Variants in TRPC7 observed in about 807,000 individuals in gnomAD.
TRPC7 encodes the protein short transient receptor potential channel 7.
In TRPC7, 42 loss-of-function variants were observed where a neutral mutation model predicts 90.1. The observed-to-expected ratio is 0.47, with a 90% confidence interval of 0.36 to 0.60. The LOEUF (loss-of-function observed/expected upper bound fraction) is 0.60. Ranked by LOEUF, TRPC7 falls within the 20% of genes least tolerant of loss-of-function variation. The pLI, the probability that TRPC7 is intolerant of heterozygous loss-of-function variation, is 0.00. For missense variants in TRPC7, 955 were observed against 1,112.3 expected (o/e 0.86, Z 2.01); for synonymous variants, 451 against 436.3 (o/e 1.03, Z -0.42).
intron 3 of TRPC7, among the ~76,000 whole-genome samples, chr5:136,289,683 G>GGCCT (rs1225995947): frequency 6.6e-6 from 1 of 152,242 alleles, no homozygotes; most frequent in African/African-American, 2.4e-5. Flanking sequence ...AGCTCAAGGA[G>GGCCT]GCCTGCCTGC....
intron 5 of TRPC7, among the ~76,000 whole-genome samples, chr5:136,262,505 G>C (rs1756891708): frequency 6.6e-6 from 1 of 152,182 alleles, no homozygotes; most frequent in Admixed American, 6.5e-5. Flanking sequence ...AGGAGGAGGG[G>C]AAGCGAGTCT....
intron 3 of TRPC7, among the ~76,000 whole-genome samples, chr5:136,282,571 G>GTT (rs1471264114): frequency 6.6e-6 from 1 of 151,834 alleles, no homozygotes; most frequent in Non-Finnish European, 1.5e-5. Context: ...TTTGTATATT[G>GTT]TTTTATACTC....
At chr5:136,334,859 T>C (rs568564942) in intron 2 of TRPC7, among the ~76,000 whole-genome samples, 1 of 152,250 alleles carries the variant, frequency 6.6e-6, no homozygotes, top group East Asian at 1.9e-4. Context: ...GATCTAGAAG[T>C]GGTAAGAGGG....
Position 136,357,374 on chromosome 5 carries a change from C to T in TRPC7, c.14G>A (p.Ser5Asn). Residue 5 changes from serine to asparagine, a missense_variant, in exon 2 of 12, where the codon AGC becomes AAC. This residue lies in a region of TRPC7 where 161 missense variants were observed against 145.7 expected (regional missense o/e 1.10). Transcript: ENST00000513104. MLRN[S>N]TFKNMQRRHT... The stretch of plus-strand genomic sequence containing the variant: ...CCGGCGCTGCATGTTTTTGAAGGTG[C>T]TGTTCCTCAACCTATGGGACAAGGC... 2.5e-6 allele frequency: 4 copies of T among 1,597,384 alleles called. No individual in the cohort carries two copies. The highest frequency in any genetic ancestry group is 3.4e-6 in the Non-Finnish European group (4 of 1,178,132).
intron 10 of TRPC7, among the ~76,000 whole-genome samples, chr5:136,221,075 T>A (rs551305261): frequency 4.0e-5 from 6 of 151,258 alleles, no homozygotes; most frequent in African/African-American, 1.5e-4. Context: ...CTCCCTTCTT[T>A]CACTATGTGG....
intron 2 of TRPC7, among the ~76,000 whole-genome samples, chr5:136,353,667 A>ATT (rs1760270503): frequency 6.6e-6 from 1 of 152,252 alleles, no homozygotes; most frequent in Non-Finnish European, 1.5e-5. Context: ...CTAAAGGAAC[A>ATT]GTTATGTTAA....
At chr5:136,261,658 G>T (rs1756861180) in intron 5 of TRPC7, among the ~76,000 whole-genome samples, 1 of 152,190 alleles carries the variant, frequency 6.6e-6, no homozygotes, top group Admixed American at 6.5e-5. Flanking sequence ...TCTTACTTTA[G>T]CCTTCTTTGC....
intron 5 of TRPC7, among the ~76,000 whole-genome samples, chr5:136,258,669 C>T (rs1188219982): frequency 6.6e-6 from 1 of 152,198 alleles, no homozygotes; most frequent in Non-Finnish European, 1.5e-5. Flanking sequence ...GTCCTGCAGG[C>T]TGTGGAGATG....
At chr5:136,349,572 G>A (rs185493620) in intron 2 of TRPC7, among the ~76,000 whole-genome samples, 43 of 151,924 alleles carry the variant, frequency 2.8e-4, no homozygotes, top group Non-Finnish European at 5.2e-4. Flanking sequence ...CTGGGAGGTC[G>A]TTATTCATTA....
intron 2 of TRPC7, among the ~76,000 whole-genome samples, chr5:136,339,963 A>G (rs1430443119): frequency 2.4e-5 from 3 of 127,164 alleles, no homozygotes. Flanking sequence ...ACTCAGGTGC[A>G]TTAAAAAAAT....
chr5:136,266,133 A>G, intron 5 of TRPC7, 87 bp downstream of exon 5: 3 of 1,217,196 alleles, frequency 2.5e-6, no homozygotes, highest in Non-Finnish European at 3.6e-6. Flanking sequence ...TACACTGAAG[A>G]GGAGAGGGAG....
At chr5:136,290,079 G>T (rs961432797) in intron 3 of TRPC7, among the ~76,000 whole-genome samples, 2 of 152,204 alleles carry the variant, frequency 1.3e-5, no homozygotes, top group Non-Finnish European at 2.9e-5. Context: ...GCAGCTGAGG[G>T]TCCTGACTGT....
intron 3 of TRPC7, among the ~76,000 whole-genome samples, chr5:136,278,613 A>G (rs1757445941): frequency 6.6e-6 from 1 of 152,246 alleles, no homozygotes; most frequent in Admixed American, 6.5e-5. Context: ...CTAGGGGTTT[A>G]AAGAGATGGA....
At position 136,274,682 on chromosome 5, in the gene TRPC7, C is replaced by T. The variant is rs762640989; in HGVS notation, c.1119G>A (p.Pro373=). Residue 373 remains proline, a synonymous_variant, in exon 4 of 12, where the codon CCG becomes CCA. Coordinates refer to ENST00000513104, the MANE Select transcript of TRPC7 (RefSeq NM_020389.3). ...CTTAAGCAGTCTGTACCTTGCTGCA[C>T]GGAGCAATCCAATAGGCTATGGCGA... ...PFLAIAYWIA[P]CSKLGRTLRS... 8.7e-6 allele frequency: 14 copies of T among 1,613,148 alleles called. No homozygotes were observed. The highest frequency in any genetic ancestry group is 1.7e-5 in the Admixed American group (1 of 59,872).
chr5:136,276,609 G>C (rs1475689424), intron 3 of TRPC7, among the ~76,000 whole-genome samples: 3 of 152,220 alleles, frequency 2.0e-5, no homozygotes, highest in African/African-American at 7.2e-5. Flanking sequence ...TACAGCCCCT[G>C]ACAATACCAT....
chr5:136,348,285 C>T (rs1038180311), intron 2 of TRPC7, among the ~76,000 whole-genome samples: 1 of 152,212 alleles, frequency 6.6e-6, no homozygotes, highest in East Asian at 1.9e-4. Flanking sequence ...CTGTTTACTC[C>T]CTCCAGTAGA....
Position 136,225,301 on chromosome 5 carries a change from G to A in TRPC7, c.2316C>T (p.Asn772=), listed in dbSNP as rs1755588914. The A allele has an allele frequency of 2.5e-6, 4 of 1,613,270 alleles. No homozygotes were observed. The highest frequency in any genetic ancestry group is 2.2e-5 in the South Asian group (2 of 90,758). The stretch of plus-strand genomic sequence containing the variant: ...GGTATCTGGTGGGCTTGCTCAAAGT[G>A]TTATTTGCTGTCAGATTTTCAGAAT... ...MRNSENLTAN[N]TLSKPTRYQK... The change falls in exon 10 of 12, where the codon AAC becomes AAT. Residue 772 remains asparagine (N), a synonymous_variant. Transcript: ENST00000513104.
intron 7 of TRPC7, among the ~76,000 whole-genome samples, chr5:136,244,887 A>G (rs1756286843): frequency 6.6e-6 from 1 of 152,370 alleles, no homozygotes; most frequent in Non-Finnish European, 1.5e-5. Flanking sequence ...ACCACTGCCC[A>G]GAAAGGGCGC....
At chr5:136,289,518 T>C (rs1580905982) in intron 3 of TRPC7, among the ~76,000 whole-genome samples, 1 of 152,118 alleles carries the variant, frequency 6.6e-6, no homozygotes, top group Non-Finnish European at 1.5e-5. Flanking sequence ...GCTTGGAGGG[T>C]CCTATGCCCA....
Sources: gnomAD v4.1 joint callset for allele counts (sites outside exome capture counted in the v4.1 genomes callset) on GRCh38, gnomAD v4.1.1 for gene constraint, gnomAD v4.1.1 regional missense constraint, MANE v1.5 for transcripts, NCBI Gene and HGNC (gene_info 2026-07-23, HGNC 2026-07-21) for gene names.